The following CDKAL1 variants were observed in gnomAD, a reference collection of about 807,000 sequenced individuals.
CDKAL1 encodes the protein threonylcarbamoyladenosine tRNA methylthiotransferase.
A neutral mutation model predicts 68.2 loss-of-function variants in CDKAL1; 32 were observed. The ratio of observed to expected loss-of-function variants is 0.47; its 90% confidence interval spans 0.35 to 0.63. The LOEUF (loss-of-function observed/expected upper bound fraction) is 0.63. Ranked by LOEUF, CDKAL1 falls within the 30% of genes least tolerant of loss-of-function variation. The pLI is 0.00. For synonymous variants in CDKAL1, 234 were observed against 244.3 expected, an observed-to-expected ratio of 0.96 and a Z score of 0.39; for missense variants, 606 against 696.7, an observed-to-expected ratio of 0.87 and a Z score of 1.47.
In CDKAL1 at chr6:21,140,398, T is replaced by C. The variant is rs941992574; in HGVS notation, c.1299+31935T>C. On this transcript the variant is annotated intron_variant, in intron 13 of 15. Coordinates refer to ENST00000274695, the MANE Select transcript of CDKAL1 (RefSeq NM_017774.3). ...CTAGAGGAGCCAGACATGGTTTTCTTTGGACACATCTTGGACGTGCCTGAT... is the reference window on the plus strand; with the variant it reads ...CTAGAGGAGCCAGACATGGTTTTCTCTGGACACATCTTGGACGTGCCTGAT... Among the ~76,000 whole-genome samples, 6 of 152,236 alleles carry C rather than the reference T, an allele frequency of 3.9e-5. No individual in the cohort carries two copies. The East Asian group carries it at 5.8e-4, about 15-fold the overall frequency.
intron 4 of CDKAL1, among the ~76,000 whole-genome samples, chr6:20,642,725 G>C (rs968504740): frequency 6.6e-6 from 1 of 152,138 alleles, no homozygotes; most frequent in Non-Finnish European, 1.5e-5. Flanking sequence ...GGAATTTCAT[G>C]AGAATTTATC....
intron 4 of CDKAL1, among the ~76,000 whole-genome samples, chr6:20,640,013 G>T (rs1768094951): frequency 6.6e-6 from 1 of 152,162 alleles, no homozygotes; most frequent in Non-Finnish European, 1.5e-5. Flanking sequence ...GTACCTTAAG[G>T]GTGCTTTCGA....
At chr6:20,763,468 C>A (rs1192958492) in intron 7 of CDKAL1, among the ~76,000 whole-genome samples, 3 of 152,156 alleles carry the variant, frequency 2.0e-5, no homozygotes, top group African/African-American at 7.2e-5. Context: ...ATCTGCTTTG[C>A]TGGTACCCTG....
chr6:20,739,082 T>G (rs1293106824), intron 5 of CDKAL1, among the ~76,000 whole-genome samples: 3 of 152,160 alleles, frequency 2.0e-5, no homozygotes, highest in Non-Finnish European at 2.9e-5. Flanking sequence ...TCTGTTTCAG[T>G]TTTTTTAAAG....
chr6:21,002,909 A>G (rs1767506159), intron 11 of CDKAL1, among the ~76,000 whole-genome samples: 1 of 152,074 alleles, frequency 6.6e-6, no homozygotes, highest in Non-Finnish European at 1.5e-5. Flanking sequence ...GAAACAATTG[A>G]GCCTGGGAGG....
chr6:20,925,183 T>G (rs1391118750), intron 9 of CDKAL1, among the ~76,000 whole-genome samples: 1 of 152,132 alleles, frequency 6.6e-6, no homozygotes, highest in Non-Finnish European at 1.5e-5. Flanking sequence ...CAAAAAAAAA[T>G]TACGACTCCC....
chr6:21,111,677 C>G (rs745607071), intron 13 of CDKAL1, among the ~76,000 whole-genome samples: 3 of 152,182 alleles, frequency 2.0e-5, no homozygotes, highest in Non-Finnish European at 4.4e-5. Context: ...AAATGTGTAC[C>G]CAGAATAAGG....
At chr6:21,018,094 A>G (rs1396200647) in intron 11 of CDKAL1, among the ~76,000 whole-genome samples, 1 of 152,162 alleles carries the variant, frequency 6.6e-6, no homozygotes, top group Non-Finnish European at 1.5e-5. Context: ...CATTCTCTGT[A>G]CAGTCTCCCT....
intron 4 of CDKAL1, among the ~76,000 whole-genome samples, chr6:20,569,117 T>C (rs921817803): frequency 7.2e-5 from 11 of 152,220 alleles, no homozygotes; most frequent in African/African-American, 2.7e-4. Context: ...TTCTAATTCG[T>C]GTTGCTCTTA....
intron 6 of CDKAL1, among the ~76,000 whole-genome samples, chr6:20,741,987 T>C (rs1773479651): frequency 6.6e-6 from 1 of 152,188 alleles, no homozygotes; most frequent in African/African-American, 2.4e-5. Context: ...TTTTTGACAT[T>C]CTGATAATAG....
At chr6:20,661,102 T>A (rs1452909950) in intron 5 of CDKAL1, among the ~76,000 whole-genome samples, 1 of 152,178 alleles carries the variant, frequency 6.6e-6, no homozygotes, top group East Asian at 1.9e-4. Context: ...TGAGGTATCC[T>A]TGGTCTCTAG....
chr6:20,916,035 A>G (rs769726588), intron 9 of CDKAL1, among the ~76,000 whole-genome samples: 1 of 152,138 alleles, frequency 6.6e-6, no homozygotes, highest in Non-Finnish European at 1.5e-5. Context: ...AGAGTTGGGG[A>G]GAATAAAGGC....
At chr6:20,739,724 A>G (rs1773363027) in intron 6 of CDKAL1, 109 bp downstream of exon 6, 1 of 571,756 alleles carries the variant, frequency 1.7e-6, no homozygotes, top group Admixed American at 3.6e-5. Flanking sequence ...TGTTACACTT[A>G]TGGCTGTCCT....
intron 9 of CDKAL1, among the ~76,000 whole-genome samples, chr6:20,847,509 T>C (rs568418186): frequency 4.0e-4 from 61 of 151,634 alleles, no homozygotes; most frequent in Non-Finnish European, 8.4e-4. Flanking sequence ...AAATTAGTAC[T>C]TTTTTTAACA....
chr6:21,174,378 T>G (rs1382782364), intron 13 of CDKAL1, among the ~76,000 whole-genome samples: 1 of 152,170 alleles, frequency 6.6e-6, no homozygotes, highest in Non-Finnish European at 1.5e-5. Flanking sequence ...TGATACATTT[T>G]AGTACAAAGT....
intron 13 of CDKAL1, among the ~76,000 whole-genome samples, chr6:21,112,332 T>C (rs1774160510): frequency 3.9e-5 from 6 of 152,204 alleles, no homozygotes. Flanking sequence ...TCTAAAAAAT[T>C]GAAATGCTTG....
chr6:20,988,328 C>G (rs1047812839), intron 10 of CDKAL1, among the ~76,000 whole-genome samples: 3 of 151,858 alleles, frequency 2.0e-5, no homozygotes, highest in Non-Finnish European at 4.4e-5. Flanking sequence ...ACTCTGTCTG[C>G]TGATTGAAAT....
intron 12 of CDKAL1, among the ~76,000 whole-genome samples, chr6:21,088,174 A>G (rs184801992): frequency 6.6e-6 from 1 of 152,294 alleles, no homozygotes. Context: ...ACATCTGGCT[A>G]GTGACTATAC....
intron 13 of CDKAL1, among the ~76,000 whole-genome samples, chr6:21,149,523 T>C (rs1776314290): frequency 6.6e-6 from 1 of 152,230 alleles, no homozygotes; most frequent in Non-Finnish European, 1.5e-5. Context: ...ACTTATCTGG[T>C]TGCAATGATT....
Sources: gnomAD v4.1 joint callset for allele counts (sites outside exome capture counted in the v4.1 genomes callset) on GRCh38, gnomAD v4.1.1 for gene constraint, MANE v1.5 for transcripts, NCBI Gene and HGNC (gene_info 2026-07-23, HGNC 2026-07-21) for gene names.